Variants in PRH1 observed in about 807,000 individuals in gnomAD.
The protein encoded by PRH1 is proline rich protein HaeIII subfamily 1.
Under a neutral mutation model 7.9 loss-of-function variants are expected in PRH1, and 7 were observed. That is an observed-to-expected ratio of 0.89 (90% CI 0.50 to 1.67). The LOEUF (loss-of-function observed/expected upper bound fraction) is 1.67. Among genes scored for constraint, PRH1 ranks in the 40% most tolerant of loss-of-function variants. PRH1 has a pLI of 0.00. For synonymous variants in PRH1, 45 were observed against 80.8 expected (o/e 0.56, Z 2.38); for missense variants, 109 against 223.6 (o/e 0.49, Z 3.27).
chr12:11,019,297 T>A, intron 1 of PRH1, among the ~76,000 whole-genome samples: 1 of 152,238 alleles, frequency 6.6e-6, no homozygotes, highest in Non-Finnish European at 1.5e-5. Context: ...TCTCACTAAT[T>A]GTGAAGTGGC....
At chr12:10,983,009 C>T (rs1296332435) in intron 1 of PRH1, among the ~76,000 whole-genome samples, 1 of 152,192 alleles carries the variant, frequency 6.6e-6, no homozygotes, top group South Asian at 2.1e-4. Flanking sequence ...TCAAGTCAAA[C>T]CCGAAACAAA....
chr12:11,171,189 C>A (rs1296226860), intron 1 of PRH1: 2 of 407,634 alleles, frequency 4.9e-6, no homozygotes, highest in Admixed American at 4.4e-5. Context: ...GCCAGCGGCG[C>A]CCGGGGCTAC....
chr12:10,894,435 C>T (rs1480225244), intron 2 of PRH1, among the ~76,000 whole-genome samples: 1 of 152,082 alleles, frequency 6.6e-6, no homozygotes, highest in Admixed American at 6.5e-5. Flanking sequence ...TGTTTCATAT[C>T]CTCAAAGTTT....
At chr12:11,171,493 G>A (rs746167780), upstream of PRH1, 77 of 1,232,270 alleles carry the variant, frequency 6.2e-5, no homozygotes, top group Non-Finnish European at 7.5e-5. Flanking sequence ...TGGCAGCTGC[G>A]CATGAACTTC....
Position 11,139,586 on chromosome 12 carries a change from T to C in PRH1, n.40-18406A>G, listed in dbSNP as rs987422192. 3.9e-5 allele frequency among the ~76,000 whole-genome samples: 6 copies of C among 152,238 alleles called. 1 individual carries two copies. The highest frequency in any genetic ancestry group is 3.9e-4 in the Admixed American group (6 of 15,290). On this transcript the variant is annotated intron_variant and non_coding_transcript_variant, in intron 1 of 1. Coordinates refer to the PRH1 transcript ENST00000541175. ...TCAAATTTGTTCATTTCCTTTGTTG[T>C]ATTATACTGTTGTAAACATGTCAGT...
At chr12:11,036,308 G>C (rs1488322788) in intron 1 of PRH1, among the ~76,000 whole-genome samples, 1 of 152,206 alleles carries the variant, frequency 6.6e-6, no homozygotes, top group African/African-American at 2.4e-5. Flanking sequence ...TCTGACATAA[G>C]TAGACTTTAA....
At chr12:10,885,067 C>A (rs1351602962), upstream of PRH1, among the ~76,000 whole-genome samples, 1 of 152,182 alleles carries the variant, frequency 6.6e-6, no homozygotes, top group Non-Finnish European at 1.5e-5. Flanking sequence ...CTAAGACCTC[C>A]ACTTTCTCCA....
chr12:10,922,051 G>A (rs1950053309), intron 2 of PRH1, among the ~76,000 whole-genome samples: 1 of 152,278 alleles, frequency 6.6e-6, no homozygotes, highest in Non-Finnish European at 1.5e-5. Flanking sequence ...ATTACAGGCA[G>A]GTGCCACAGC....
At chr12:11,055,477 T>G (rs1943326826) in intron 1 of PRH1, among the ~76,000 whole-genome samples, 1 of 152,278 alleles carries the variant, frequency 6.6e-6, no homozygotes, top group Non-Finnish European at 1.5e-5. Context: ...CCTTTTAAAT[T>G]CTCTGACTAA....
chr12:11,085,150 T>TG (rs2136241521), intron 1 of PRH1, among the ~76,000 whole-genome samples: 2 of 25,826 alleles, frequency 7.7e-5, no homozygotes, highest in Admixed American at 1.1e-3. Context: ...CTTTTCCTAA[T>TG]ATTTTTCTTC....
At chr12:11,125,433 A>T (rs928363243) in intron 1 of PRH1, among the ~76,000 whole-genome samples, 5 of 152,292 alleles carry the variant, frequency 3.3e-5, no homozygotes, top group African/African-American at 1.2e-4. Context: ...AATTCTCTCT[A>T]CTGCTTATTT....
At chr12:10,900,473 C>A (rs975314508) in intron 2 of PRH1, among the ~76,000 whole-genome samples, 4 of 152,188 alleles carry the variant, frequency 2.6e-5, no homozygotes, top group African/African-American at 9.6e-5. Flanking sequence ...ATTGGAGCAC[C>A]TGCTTTAGAG....
chr12:10,961,444 G>A (rs1938230966), intron 2 of PRH1, among the ~76,000 whole-genome samples: 1 of 150,968 alleles, frequency 6.6e-6, no homozygotes, highest in African/African-American at 2.5e-5. Flanking sequence ...GCGCCTCTAA[G>A]CACAAGACCC....
intron 2 of PRH1, chr12:10,937,996 A>T (rs1950317368): frequency 2.9e-6 from 1 of 341,318 alleles, no homozygotes; most frequent in African/African-American, 2.1e-5. Context: ...TCATTTAAAA[A>T]TCTCAAAAAA....
intron 1 of PRH1, among the ~76,000 whole-genome samples, chr12:11,064,403 T>C (rs956745138): frequency 6.6e-6 from 1 of 152,126 alleles, no homozygotes; most frequent in African/African-American, 2.4e-5. Flanking sequence ...ACTGTAATGA[T>C]TGATCTATCC....
At chr12:11,150,136 G>C (rs1281820827) in intron 1 of PRH1, among the ~76,000 whole-genome samples, 3 of 151,772 alleles carry the variant, frequency 2.0e-5, no homozygotes, top group African/African-American at 7.3e-5. Flanking sequence ...TCTCACACCA[G>C]TTAGAATGGC....
chr12:11,150,205 C>T (rs1244046064), intron 1 of PRH1, among the ~76,000 whole-genome samples: 1 of 151,174 alleles, frequency 6.6e-6, no homozygotes, highest in Admixed American at 6.6e-5. Context: ...AATAGGAACA[C>T]TTTTACACTG....
intron 2 of PRH1, 91 bp downstream of exon 2, chr12:10,882,970 A>T: frequency 6.5e-7 from 1 of 1,534,084 alleles, no homozygotes; most frequent in Non-Finnish European, 9.0e-7. Flanking sequence ...AATTCCTGAC[A>T]AGAAAATGGT....
chr12:11,061,244 A>G, intron 1 of PRH1: 1 of 1,410,570 alleles, frequency 7.1e-7, no homozygotes, highest in Non-Finnish European at 9.5e-7. Flanking sequence ...AGACTTTTCT[A>G]GGTACATGCT....
Sources: gnomAD v4.1 joint callset for allele counts (sites outside exome capture counted in the v4.1 genomes callset) on GRCh38, gnomAD v4.1.1 for gene constraint, MANE v1.5 for transcripts, NCBI Gene and HGNC (gene_info 2026-07-23, HGNC 2026-07-21) for gene names.